ARHGEF6: variants seen among roughly 807,000 people sequenced by gnomAD.
ARHGEF6 encodes the protein rho guanine nucleotide exchange factor 6.
A neutral mutation model predicts 70.3 loss-of-function variants in ARHGEF6; 9 were observed. The ratio of observed to expected loss-of-function variants is 0.13; its 90% CI spans 0.08 to 0.22. The LOEUF (loss-of-function observed/expected upper bound fraction) is 0.22, where lower values mean the gene tolerates loss of function less well. Among genes scored for constraint, ARHGEF6 ranks in the 10% least tolerant of loss-of-function variants. The probability of loss-of-function intolerance (pLI) is 1.00; values close to 1 mark genes in which losing one functional copy is unlikely to be tolerated. For missense variants in ARHGEF6, 470 were observed against 563.0 expected, an observed-to-expected ratio of 0.83 and a Z score of 1.67; for synonymous variants, 201 against 207.8, an observed-to-expected ratio of 0.97 and a Z score of 0.28.
At chrX:136,726,903 T>C (rs1390931233) in intron 6 of ARHGEF6, among the ~76,000 whole-genome samples, 1 of 112,549 alleles carries the variant, frequency 8.9e-6, no homozygotes, top group Non-Finnish European at 1.9e-5. Context: ...TGTGTTGCAA[T>C]AGTTGCAGTG....
rs142735294 is a variant in ARHGEF6 at position 136,739,274 on chromosome X, G to T, written c.661+4311C>A. Among the ~76,000 whole-genome samples the T allele has an allele frequency of 4.1e-3, 458 of 111,777 alleles. 2 individuals are homozygous for T. Among genetic ancestry groups the T allele is most frequent in the Non-Finnish European group, 6.8e-3 (360 of 53,192 alleles). On this transcript the variant is annotated intron_variant, in intron 5 of 21. Transcript: ENST00000250617. The stretch of plus-strand genomic sequence containing the variant: ...GTGCTTCCCCACTCCTTATGTTATT[G>T]TTAATCAAATTGTTTCTTCACTGTT...
intron 13 of ARHGEF6, among the ~76,000 whole-genome samples, 200 bp downstream of exon 13, chrX:136,682,558 A>G (rs1320676239): frequency 8.9e-6 from 1 of 112,269 alleles, no homozygotes; most frequent in Non-Finnish European, 1.9e-5. Flanking sequence ...GATATATTCA[A>G]GATAAACTCA....
Position 136,739,824 on chromosome X carries a change from G to A in ARHGEF6, c.661+3761C>T, listed in dbSNP as rs942852493. Among the ~76,000 whole-genome samples the A allele has an allele frequency of 5.4e-5, 6 of 110,980 alleles. No homozygotes were observed. In the South Asian group the frequency reaches 2.0e-3, roughly 36 times the overall value. ...CAGGGGGACAGCAAGTGAGGCAGGA[G>A]CCTGTCTGGCACAGGCAGCCAAGAG... is the stretch of plus-strand genomic sequence containing the variant. On this transcript the variant is annotated intron_variant, in intron 5 of 21. Coordinates refer to ENST00000250617, the MANE Select transcript of ARHGEF6 (RefSeq NM_004840.3).
intron 2 of ARHGEF6, among the ~76,000 whole-genome samples, chrX:136,747,847 C>T (rs760329801): frequency 9.1e-5 from 10 of 109,829 alleles, no homozygotes; most frequent in East Asian, 5.7e-4. Flanking sequence ...GAGAAGGCAG[C>T]GCCCACCAGG....
intron 5 of ARHGEF6, among the ~76,000 whole-genome samples, chrX:136,739,962 G>A (rs1279123303): frequency 9.0e-6 from 1 of 111,292 alleles, no homozygotes; most frequent in Non-Finnish European, 1.9e-5. Context: ...GATGGCCTTG[G>A]CCTTTTCTTT....
intron 6 of ARHGEF6, among the ~76,000 whole-genome samples, chrX:136,720,459 C>G (rs1199058880): frequency 6.5e-5 from 7 of 108,069 alleles, no homozygotes; most frequent in Admixed American, 6.0e-4. Flanking sequence ...TTTTTTAATT[C>G]TCAGAAAACT....
At chrX:136,766,294 T>TAA (rs34241455) in intron 2 of ARHGEF6, among the ~76,000 whole-genome samples, 15 of 107,174 alleles carry the variant, frequency 1.4e-4, no homozygotes, top group East Asian at 9.0e-4. Flanking sequence ...AATATAAGTT[T>TAA]AAAAAAAAAC....
chrX:136,709,256 A>G, intron 7 of ARHGEF6, among the ~76,000 whole-genome samples: 1 of 93,434 alleles, frequency 1.1e-5, no homozygotes, highest in East Asian at 4.6e-4. Flanking sequence ...GTAGGAGGAA[A>G]AAAATAGTAT....
chrX:136,714,173 A>C (rs2148623934), intron 6 of ARHGEF6, among the ~76,000 whole-genome samples: 1 of 112,015 alleles, frequency 8.9e-6, no homozygotes, highest in South Asian at 3.7e-4. Flanking sequence ...TTAGAATCCT[A>C]TAGGCAAAAC....
intron 2 of ARHGEF6, among the ~76,000 whole-genome samples, chrX:136,751,830 C>T (rs1424893806): frequency 8.9e-6 from 1 of 111,868 alleles, no homozygotes; most frequent in African/African-American, 3.3e-5. Flanking sequence ...TGGTTTATGG[C>T]TTTTTGTTCT....
At chrX:136,668,533 C>CTTATTATTA (rs58182405) in intron 21 of ARHGEF6, among the ~76,000 whole-genome samples, 30 of 98,461 alleles carry the variant, frequency 3.0e-4, no homozygotes, top group African/African-American at 1.1e-3. Context: ...TCTTCTTCTT[C>CTTATTATTA]TTATTATTAT....
At chrX:136,754,708 G>C in intron 2 of ARHGEF6, among the ~76,000 whole-genome samples, 1 of 112,009 alleles carries the variant, frequency 8.9e-6, no homozygotes, top group Non-Finnish European at 1.9e-5. Context: ...AATATCTCTT[G>C]TCAATAGCCC....
intron 9 of ARHGEF6, among the ~76,000 whole-genome samples, chrX:136,705,541 C>A (rs908723764): frequency 4.5e-5 from 5 of 111,790 alleles, no homozygotes; most frequent in African/African-American, 1.6e-4. Context: ...TTAACCTAAG[C>A]CTTCCAATGT....
At chrX:136,680,385 T>A (rs1469485274) in intron 15 of ARHGEF6, among the ~76,000 whole-genome samples, 1 of 112,614 alleles carries the variant, frequency 8.9e-6, no homozygotes, top group Non-Finnish European at 1.9e-5. Flanking sequence ...TTGTTTCGAC[T>A]TAGCCCACTG....
chrX:136,702,895 A>C (rs2076589843), intron 9 of ARHGEF6, among the ~76,000 whole-genome samples: 1 of 111,995 alleles, frequency 8.9e-6, no homozygotes, highest in Non-Finnish European at 1.9e-5. Context: ...CATTTGTAGA[A>C]TATTTCATTC....
intron 19 of ARHGEF6, among the ~76,000 whole-genome samples, chrX:136,672,656 T>C (rs1039620271): frequency 1.7e-4 from 19 of 112,320 alleles, no homozygotes; most frequent in African/African-American, 5.5e-4. Context: ...ACCATTTTCA[T>C]CAAGGGTGGA....
intron 2 of ARHGEF6, among the ~76,000 whole-genome samples, chrX:136,751,710 T>C (rs1214257044): frequency 9.0e-6 from 1 of 111,176 alleles, no homozygotes; most frequent in Non-Finnish European, 1.9e-5. Flanking sequence ...GAGAAGGTAC[T>C]ATCTATGAAT....
chrX:136,780,636 G>A, intron 1 of ARHGEF6, 82 bp downstream of exon 1: 1 of 915,445 alleles, frequency 1.1e-6, no homozygotes, highest in Non-Finnish European at 1.6e-6. Flanking sequence ...CCATGGCCTG[G>A]GAAATAGAAA....
At chrX:136,756,150 G>C (rs1284820486) in intron 2 of ARHGEF6, among the ~76,000 whole-genome samples, 5 of 111,590 alleles carry the variant, frequency 4.5e-5, no homozygotes, top group Non-Finnish European at 9.4e-5. Context: ...CTCAGAAAGA[G>C]ATATCACTTA....
Sources: allele counts gnomAD v4.1 joint callset (sites outside exome capture counted in the v4.1 genomes callset), GRCh38; gene constraint gnomAD v4.1.1; transcripts MANE v1.5; gene names NCBI Gene and HGNC (gene_info 2026-07-23, HGNC 2026-07-21).